HBS1L: variants seen among roughly 807,000 people sequenced by gnomAD.
HBS1L encodes the protein HBS1-like protein.
A neutral mutation model predicts 88.9 loss-of-function variants in HBS1L; 55 were observed. The ratio of observed to expected loss-of-function variants is 0.62; its 90% confidence interval spans 0.50 to 0.77. The LOEUF (loss-of-function observed/expected upper bound fraction) is 0.77, where lower values mean the gene tolerates loss of function less well. Ranked by LOEUF, HBS1L falls within the 30% of genes least tolerant of loss-of-function variation. The pLI, the probability that HBS1L is intolerant of heterozygous loss-of-function variation, is 0.00. For synonymous variants in HBS1L, 267 were observed against 288.5 expected, an observed-to-expected ratio of 0.93 and a Z score of 0.76; for missense variants, 741 against 829.3, an observed-to-expected ratio of 0.89 and a Z score of 1.31.
At chr6:135,030,437 G>A (rs969209420) in intron 4 of HBS1L, among the ~76,000 whole-genome samples, 2 of 152,092 alleles carry the variant, frequency 1.3e-5, no homozygotes, top group African/African-American at 4.8e-5. Context: ...TATAGAAGGA[G>A]AGGAAACTCA....
chr6:135,028,957 G>C (rs1021335223), intron 4 of HBS1L, among the ~76,000 whole-genome samples: 2 of 151,626 alleles, frequency 1.3e-5, no homozygotes, highest in Non-Finnish European at 2.9e-5. Context: ...ACTATAAAAA[G>C]GAGTGAAAAA....
rs1270702194 is a variant in HBS1L at position 134,969,315 on chromosome 6, GAC to G, written c.1819_1820del (p.Val607GlnfsTer2). Reference sequence around the variant, plus strand: ...ATCGTTTAATAACGGCGGGTTCACTGACAGTTTGGTAGTGTAACAGCACCTAA... The same window carrying G: ...ATCGTTTAATAACGGCGGGTTCACTGAGTTTGGTAGTGTAACAGCACCTAA... ...GFPVLLHYQT[V>X]SEPAVIKRLI... On this transcript the variant is annotated frameshift_variant, in exon 16 of 18. Coordinates refer to ENST00000367837, the MANE Select transcript of HBS1L (RefSeq NM_006620.4). LOFTEE classifies it high-confidence loss of function. The G allele has an allele frequency of 5.0e-6, 8 of 1,612,628 alleles. No homozygotes were observed. The highest frequency in any genetic ancestry group is 6.8e-6 in the Non-Finnish European group (8 of 1,178,982).
At chr6:135,038,946 T>C (rs1159527087) in intron 4 of HBS1L, among the ~76,000 whole-genome samples, 3 of 152,124 alleles carry the variant, frequency 2.0e-5, no homozygotes, top group Non-Finnish European at 4.4e-5. Flanking sequence ...AATTAAAAAG[T>C]TCTATAAGCT....
chr6:135,019,937 G>A (rs1182144214), intron 4 of HBS1L, among the ~76,000 whole-genome samples: 1 of 151,740 alleles, frequency 6.6e-6, no homozygotes, highest in Admixed American at 6.6e-5. Context: ...ATTGTAGTTT[G>A]ATCTAGCTTG....
intron 5 of HBS1L, among the ~76,000 whole-genome samples, chr6:134,998,026 T>C (rs1407768874): frequency 1.3e-5 from 2 of 152,228 alleles, no homozygotes; most frequent in Non-Finnish European, 1.5e-5. Context: ...TGGAGATGAA[T>C]TAGTACTAAA....
intron 2 of HBS1L, among the ~76,000 whole-genome samples, chr6:135,047,896 A>G (rs1299108723): frequency 2.0e-5 from 3 of 152,248 alleles, no homozygotes; most frequent in Admixed American, 6.5e-5. Context: ...TAGGAGCCCC[A>G]AAGGGCAAAT....
intron 15 of HBS1L, among the ~76,000 whole-genome samples, chr6:134,973,125 C>T (rs865997464): frequency 2.6e-5 from 4 of 152,322 alleles, no homozygotes; most frequent in African/African-American, 9.6e-5. Context: ...GCAGGAATCT[C>T]AATAGATACT....
chr6:135,016,800 C>A (rs1037257759), intron 4 of HBS1L, among the ~76,000 whole-genome samples: 1 of 152,084 alleles, frequency 6.6e-6, no homozygotes, highest in Non-Finnish European at 1.5e-5. Context: ...ATATTAGGCA[C>A]TGAAATATTT....
intron 15 of HBS1L, among the ~76,000 whole-genome samples, chr6:134,974,916 TCAGGCAAGAGA>T (rs1416209020): frequency 6.6e-6 from 1 of 152,090 alleles, no homozygotes; most frequent in Non-Finnish European, 1.5e-5. Flanking sequence ...GCCAGAGCAA[TCAGGCAAGAGA>T]AAGAAATCAA....
chr6:135,012,017 T>C (rs1207283403), intron 4 of HBS1L, among the ~76,000 whole-genome samples: 1 of 150,328 alleles, frequency 6.7e-6, no homozygotes, highest in African/African-American at 2.5e-5. Context: ...GTCAAAGGTG[T>C]GGCAGAGGAA....
intron 2 of HBS1L, among the ~76,000 whole-genome samples, chr6:135,043,288 T>C (rs1223617749): frequency 6.6e-6 from 1 of 152,202 alleles, no homozygotes; most frequent in African/African-American, 2.4e-5. Context: ...GATATAATAT[T>C]CAAAAGGCAA....
intron 4 of HBS1L, among the ~76,000 whole-genome samples, chr6:135,020,715 C>T (rs987730082): frequency 6.6e-6 from 1 of 151,644 alleles, no homozygotes; most frequent in African/African-American, 2.4e-5. Flanking sequence ...TTAAAAATGC[C>T]CATCCCTTTT....
chr6:135,042,812 TCAAAAAAAAAAAAC>T (rs752238908), intron 2 of HBS1L, among the ~76,000 whole-genome samples: 1 of 106,010 alleles, frequency 9.4e-6, no homozygotes, highest in African/African-American at 4.3e-5. Flanking sequence ...AAACTCCGTC[TCAAAAAAAAAAAAC>T]AAAAAAAAAA....
intron 4 of HBS1L, among the ~76,000 whole-genome samples, chr6:135,032,302 A>T (rs1364425908): frequency 6.6e-6 from 1 of 151,060 alleles, no homozygotes; most frequent in Non-Finnish European, 1.5e-5. Flanking sequence ...TCAGAATTTT[A>T]ATTTCTTTCA....
At chr6:134,995,562 C>T (rs1011191969) in intron 7 of HBS1L, among the ~76,000 whole-genome samples, 1 of 151,852 alleles carries the variant, frequency 6.6e-6, no homozygotes, top group African/African-American at 2.4e-5. Context: ...GCCAGCTCAA[C>T]TAAGATACTA....
intron 5 of HBS1L, among the ~76,000 whole-genome samples, chr6:134,999,240 C>T (rs2114808555): frequency 6.6e-6 from 1 of 152,154 alleles, no homozygotes; most frequent in South Asian, 2.1e-4. Context: ...CAGATCAAAG[C>T]AGACAGCTAT....
At chr6:135,038,721 T>A (rs144817710) in intron 4 of HBS1L, among the ~76,000 whole-genome samples, 12 of 152,316 alleles carry the variant, frequency 7.9e-5, no homozygotes, top group African/African-American at 2.2e-4. Context: ...TCCCCTCTTA[T>A]GTCCACTGAA....
intron 3 of HBS1L, among the ~76,000 whole-genome samples, chr6:135,040,171 A>AT (rs1776686929): frequency 6.6e-6 from 1 of 152,108 alleles, no homozygotes; most frequent in African/African-American, 2.4e-5. Context: ...TTCACGAAGT[A>AT]TATTTCTTAT....
At chr6:135,013,456 C>T (rs1477389928) in intron 4 of HBS1L, among the ~76,000 whole-genome samples, 1 of 152,150 alleles carries the variant, frequency 6.6e-6, no homozygotes, top group Admixed American at 6.5e-5. Flanking sequence ...TGTGGTGAGA[C>T]ATAAGATTAG....
Sources: allele counts gnomAD v4.1 joint callset (sites outside exome capture counted in the v4.1 genomes callset), GRCh38; gene constraint gnomAD v4.1.1; transcripts MANE v1.5; gene names NCBI Gene and HGNC (gene_info 2026-07-23, HGNC 2026-07-21).